Variants in CRISPLD1 observed in about 807,000 individuals in gnomAD.
The protein encoded by CRISPLD1 is cysteine-rich secretory protein LCCL domain-containing 1.
CRISPLD1 carries 60 observed loss-of-function variants against 77.5 expected under a neutral mutation model. That is an observed-to-expected ratio of 0.77 (90% confidence interval 0.63 to 0.96). The LOEUF (loss-of-function observed/expected upper bound fraction) is 0.96. CRISPLD1 is among the 40% of genes least tolerant of loss of function. The pLI is 0.00. For missense variants in CRISPLD1, 623 were observed against 615.8 expected, an observed-to-expected ratio of 1.01 and a Z score of -0.12; for synonymous variants, 195 against 200.1, an observed-to-expected ratio of 0.97 and a Z score of 0.22.
intron 2 of CRISPLD1, among the ~76,000 whole-genome samples, chr8:74,987,889 C>T (rs528797259): frequency 2.0e-5 from 3 of 152,236 alleles, no homozygotes; most frequent in Admixed American, 6.5e-5. Flanking sequence ...TTCTGTGATT[C>T]GTTTTCATGT....
intron 2 of CRISPLD1, among the ~76,000 whole-genome samples, chr8:74,994,841 C>T (rs562926534): frequency 2.6e-4 from 40 of 152,110 alleles, no homozygotes; most frequent in African/African-American, 8.0e-4. Flanking sequence ...GTACAGTTTG[C>T]GCCATTAGAA....
chr8:75,005,249 T>C (rs991792463), intron 2 of CRISPLD1, among the ~76,000 whole-genome samples: 1 of 152,122 alleles, frequency 6.6e-6, no homozygotes, highest in Non-Finnish European at 1.5e-5. Context: ...ATACAGGGTA[T>C]CATCTAAGAG....
At chr8:75,015,998 A>G (rs1045240764) in intron 6 of CRISPLD1, among the ~76,000 whole-genome samples, 1 of 152,150 alleles carries the variant, frequency 6.6e-6, no homozygotes, top group African/African-American at 2.4e-5. Flanking sequence ...CAGTCTGGAA[A>G]TAAACATTAA....
At chr8:75,009,178 C>G (rs1467139994) in intron 2 of CRISPLD1, among the ~76,000 whole-genome samples, 1 of 152,046 alleles carries the variant, frequency 6.6e-6, no homozygotes, top group Non-Finnish European at 1.5e-5. Context: ...TTGCTGTCAT[C>G]TGAGGGCTGG....
Position 75,012,984 on chromosome 8 carries a change from T to A in CRISPLD1, c.472T>A (p.Phe158Ile). 6.2e-7 allele frequency: 1 copy of A among 1,612,714 alleles called. No individual in the cohort carries two copies. The highest frequency in any genetic ancestry group is 8.5e-7 in the Non-Finnish European group (1 of 1,179,148). ...YEHECNPYCPFRCSGPVCTHY... is the reference protein window; with the variant it reads ...YEHECNPYCPIRCSGPVCTHY... Reference sequence around the variant, plus strand: ...ACATGAATGCAACCCATATTGTCCATTCAGGTGTTCTGGCCCTGTATGTAC... The same window carrying A: ...ACATGAATGCAACCCATATTGTCCAATCAGGTGTTCTGGCCCTGTATGTAC... Residue 158 changes from phenylalanine to isoleucine, a missense_variant, in exon 4 of 15, where the codon TTC becomes ATC. Transcript: ENST00000262207.
intron 2 of CRISPLD1, among the ~76,000 whole-genome samples, chr8:75,000,610 G>A (rs1036517597): frequency 3.3e-5 from 5 of 151,928 alleles, no homozygotes; most frequent in African/African-American, 9.7e-5. Flanking sequence ...CTCACTTAGA[G>A]CCTAACCTGC....
intron 2 of CRISPLD1, among the ~76,000 whole-genome samples, chr8:74,999,721 A>T (rs1349495128): frequency 1.3e-5 from 2 of 151,520 alleles, no homozygotes; most frequent in African/African-American, 4.9e-5. Flanking sequence ...CTCCCTTTTT[A>T]TAAGGTAGTA....
At chr8:75,010,968 C>G (rs905027926) in intron 2 of CRISPLD1, among the ~76,000 whole-genome samples, 1 of 151,936 alleles carries the variant, frequency 6.6e-6, no homozygotes. Context: ...ATGGAAATAC[C>G]TAGACACACA....
Position 75,016,444 on chromosome 8 carries a change from A to G in CRISPLD1, c.728-121A>G, listed in dbSNP as rs977876077. The stretch of plus-strand genomic sequence containing the variant: ...ACCTTAAGCCAAAACCTGTGCAGAA[A>G]AACAGTACTGATTTTTCTAGTTCTA... On this transcript the variant is annotated intron_variant, in intron 6 of 14. Coordinates refer to ENST00000262207, the MANE Select transcript of CRISPLD1 (RefSeq NM_031461.6). 8 of 1,004,478 alleles carry G rather than the reference A, an allele frequency of 8.0e-6. No homozygotes were observed. In the African/African-American group the frequency reaches 1.1e-4, roughly 14 times the overall value. 62.2% of individuals were successfully genotyped at this position (1,004,478 alleles called of 1,614,324 possible).
intron 12 of CRISPLD1, among the ~76,000 whole-genome samples, chr8:75,022,112 C>A: frequency 6.6e-6 from 1 of 152,104 alleles, no homozygotes; most frequent in Non-Finnish European, 1.5e-5. Context: ...AGCAAAACAT[C>A]GAAATAAGGA....
intron 2 of CRISPLD1, among the ~76,000 whole-genome samples, chr8:74,989,755 A>C (rs1812545459): frequency 6.6e-6 from 1 of 152,098 alleles, no homozygotes; most frequent in Admixed American, 6.6e-5. Flanking sequence ...TTTAAGCACC[A>C]TTGGTCTATT....
intron 14 of CRISPLD1, among the ~76,000 whole-genome samples, chr8:75,031,763 A>G (rs911582931): frequency 3.3e-5 from 5 of 152,070 alleles, no homozygotes; most frequent in Non-Finnish European, 5.9e-5. Flanking sequence ...CTAGCGCTCT[A>G]GAGTATTGCC....
At chr8:74,997,334 G>A (rs1227829168) in intron 2 of CRISPLD1, among the ~76,000 whole-genome samples, 7 of 152,108 alleles carry the variant, frequency 4.6e-5, no homozygotes, top group African/African-American at 1.7e-4. Context: ...TAATGTGAAG[G>A]GTGAAGGATA....
intron 12 of CRISPLD1, among the ~76,000 whole-genome samples, chr8:75,023,290 A>G (rs182367480): frequency 6.6e-6 from 1 of 152,340 alleles, no homozygotes; most frequent in African/African-American, 2.4e-5. Context: ...TAAAGTTTGC[A>G]GAGCATGCAG....
Position 74,996,709 on chromosome 8 carries a change from C to CTTT in CRISPLD1, c.258+10489_258+10491dup, listed in dbSNP as rs1178454369. Among the ~76,000 whole-genome samples the CTTT allele has an allele frequency of 3.4e-4, 25 of 73,372 alleles. 1 individual carries two copies. The highest frequency in any genetic ancestry group is 0.018 in the Middle Eastern group (2 of 114). 48.1% of individuals were successfully genotyped at this position (73,372 alleles called of 152,430 possible). ...TAGACATACCAGCATGAGCCAGAATCTTTTTTTTTTTTTTTTTTTTTTTTT... is the reference window on the plus strand; with the variant it reads ...TAGACATACCAGCATGAGCCAGAATCTTTTTTTTTTTTTTTTTTTTTTTTTTTT... On this transcript the variant is annotated intron_variant, in intron 2 of 14. Coordinates refer to ENST00000262207, the MANE Select transcript of CRISPLD1 (RefSeq NM_031461.6).
Position 75,017,127 on chromosome 8 carries a change from A to G in CRISPLD1, c.996+14A>G, listed in dbSNP as rs542481481. ...CATTATGAAATGGTAAGTGTTATAA[A>G]TGTAATTATTTGAGGATAGAGTCAT... On this transcript the variant is annotated intron_variant, in intron 9 of 14. Coordinates refer to ENST00000262207, the MANE Select transcript of CRISPLD1 (RefSeq NM_031461.6). The G allele has an allele frequency of 6.2e-7, 1 of 1,600,124 alleles. No individual in the cohort carries two copies. Among genetic ancestry groups the G allele is most frequent in the African/African-American group, 1.3e-5 (1 of 74,784 alleles).
intron 2 of CRISPLD1, among the ~76,000 whole-genome samples, chr8:75,007,835 G>C (rs2128784005): frequency 6.6e-6 from 1 of 151,782 alleles, no homozygotes; most frequent in East Asian, 1.9e-4. Flanking sequence ...CACCGTACCA[G>C]CTAAATTTTT....
chr8:74,999,476 C>T (rs1343126696), intron 2 of CRISPLD1, among the ~76,000 whole-genome samples: 1 of 152,058 alleles, frequency 6.6e-6, no homozygotes, highest in African/African-American at 2.4e-5. Context: ...CTTTAATGTG[C>T]CTATGAATCC....
intron 12 of CRISPLD1, among the ~76,000 whole-genome samples, chr8:75,024,759 A>G (rs1813203580): frequency 6.6e-6 from 1 of 152,148 alleles, no homozygotes; most frequent in Non-Finnish European, 1.5e-5. Context: ...CAGAGTTACC[A>G]TGATTGAGGT....
Sources: allele counts gnomAD v4.1 joint callset (sites outside exome capture counted in the v4.1 genomes callset), GRCh38; gene constraint gnomAD v4.1.1; transcripts MANE v1.5; gene names NCBI Gene and HGNC (gene_info 2026-07-23, HGNC 2026-07-21).